Variants in ACSL6 observed in about 807,000 individuals in gnomAD.
The protein encoded by ACSL6 is acyl-CoA synthetase long chain family member 6.
In ACSL6, 47 loss-of-function variants were observed where a neutral mutation model predicts 98.2. The ratio of observed to expected loss-of-function variants is 0.48; its 90% CI spans 0.38 to 0.61. The LOEUF (loss-of-function observed/expected upper bound fraction) is 0.61. Among genes scored for constraint, ACSL6 ranks in the 20% least tolerant of loss-of-function variants. ACSL6 has a pLI of 0.00. For missense variants in ACSL6, 761 were observed against 913.4 expected (o/e 0.83, Z 2.15); for synonymous variants, 362 against 336.9 (o/e 1.07, Z -0.82).
Position 131,959,558 on chromosome 5 carries a change from C to T in ACSL6, c.2009G>A (p.Ser670Asn), listed in dbSNP as rs1561774045. The change falls in exon 20 of 21, where the codon AGT (serine) becomes AAT (asparagine). Residue 670 changes from serine to asparagine, a missense_variant. Ser to Asn is a conservative substitution (Grantham distance 46). Transcript: ENST00000651883. ...TACCTGCTCAAAAGAATGGAGTCCA[C>T]TTTCTTTTCCTAACCTCACCATATC... The part of the protein sequence containing the change: ...LEDMVRLGKE[S>N]GLHSFEQVKA... The T allele has an allele frequency of 6.2e-7, 1 of 1,614,208 alleles. No individual in the cohort carries two copies. The highest frequency in any genetic ancestry group is 8.5e-7 in the Non-Finnish European group (1 of 1,180,034).
chr5:131,968,089 G>A (rs1753115834), intron 15 of ACSL6, 61 bp from the exon 16 acceptor site: 1 of 1,467,100 alleles, frequency 6.8e-7, no homozygotes, highest in South Asian at 1.2e-5. Context: ...CACTGAAGAT[G>A]TTCCAAGCCC....
At chr5:131,975,082 G>C (rs918012348) in intron 10 of ACSL6, 112 bp from the exon 11 acceptor site, 1 of 1,459,194 alleles carries the variant, frequency 6.9e-7, no homozygotes, top group Non-Finnish European at 9.2e-7. Context: ...ACAGGAAGAG[G>C]GGGAGGGGAA....
chr5:132,004,577 G>T (rs1755284644), intron 1 of ACSL6, among the ~76,000 whole-genome samples: 2 of 152,202 alleles, frequency 1.3e-5, no homozygotes, highest in Non-Finnish European at 2.9e-5. Flanking sequence ...ATGAAGCCAA[G>T]GTGCCAGGCA....
intron 17 of ACSL6, among the ~76,000 whole-genome samples, chr5:131,962,938 C>G (rs1752793091): frequency 6.6e-6 from 1 of 152,112 alleles, no homozygotes; most frequent in African/African-American, 2.4e-5. Context: ...CCCACACAGT[C>G]CTCCCACCAC....
Position 132,005,168 on chromosome 5 carries a change from G to GA in ACSL6, c.49+6336dup, listed in dbSNP as rs973726309. ...GCTCTGTCTCAAAAAAAAGAAAAAAGAAAAAAAAATGCGTGAGTTGAAGGT... is the reference window on the plus strand; with the variant it reads ...GCTCTGTCTCAAAAAAAAGAAAAAAGAAAAAAAAAATGCGTGAGTTGAAGGT... On this transcript the variant is annotated intron_variant, in intron 1 of 20. Transcript: ENST00000651883. Among the ~76,000 whole-genome samples, 115 of 151,040 alleles carry GA rather than the reference G, an allele frequency of 7.6e-4. 2 individuals are homozygous for GA. Among genetic ancestry groups the GA allele is most frequent in the South Asian group, 1.0e-3 (5 of 4,764 alleles).
At chr5:131,963,589 C>A (rs1752852498) in intron 17 of ACSL6, among the ~76,000 whole-genome samples, 1 of 152,182 alleles carries the variant, frequency 6.6e-6, no homozygotes, top group Non-Finnish European at 1.5e-5. Flanking sequence ...CCTCCAAACC[C>A]CAAACCTGGA....
chr5:131,989,977 G>T, intron 4 of ACSL6, 123 bp downstream of exon 4: 1 of 1,060,354 alleles, frequency 9.4e-7, no homozygotes, highest in Non-Finnish European at 1.4e-6. Context: ...CAGGAGTTTG[G>T]CAGACAGGCC....
At chr5:131,956,074 A>G (rs1467989786) in intron 20 of ACSL6, among the ~76,000 whole-genome samples, 2 of 152,146 alleles carry the variant, frequency 1.3e-5, no homozygotes, top group East Asian at 3.9e-4. Context: ...GCTTGTCTGC[A>G]TTCCTAACAG....
At chr5:131,964,056 A>G (rs1045033642) in intron 17 of ACSL6, among the ~76,000 whole-genome samples, 1 of 152,234 alleles carries the variant, frequency 6.6e-6, no homozygotes, top group African/African-American at 2.4e-5. Flanking sequence ...TAACGTTTTT[A>G]AAAGCACAAA....
chr5:131,989,542 A>G, intron 4 of ACSL6, 34 bp from the exon 5 acceptor site: 1 of 1,527,074 alleles, frequency 6.5e-7, no homozygotes, highest in Non-Finnish European at 9.1e-7. Context: ...ATGGGAAAAC[A>G]AGGACTCTTC....
At chr5:131,959,732 G>A (rs975124143) in intron 19 of ACSL6, 125 bp from the exon 20 acceptor site, 8 of 827,084 alleles carry the variant, frequency 9.7e-6, no homozygotes, top group Admixed American at 2.1e-5. Context: ...CCCACAGCCC[G>A]CAACTGAGGC....
Position 131,953,345 on chromosome 5 carries a change from G to A in ACSL6, c.*889C>T. ...ATATCTGAATTTGGCTGGGAACAAT[G>A]GCTCATGCCTGTAATCCTAGCACTT... is the stretch of plus-strand genomic sequence containing the variant. On this transcript the variant is annotated 3_prime_UTR_variant, in exon 21 of 21. Transcript: ENST00000651883. 5.4e-6 allele frequency: 1 copy of A among 183,872 alleles called. No homozygotes were observed. The highest frequency in any genetic ancestry group is 1.2e-5 in the Non-Finnish European group (1 of 86,420). The allele number at this position is 183,872 out of a possible 1,614,324, so 11.4% of individuals were successfully genotyped here. A position where few individuals can be genotyped will look rare whatever the true frequency, so the allele number is the denominator to read the frequency against.
rs1752262093 is a variant in ACSL6, at chr5:131,953,766, T to C, written c.*468A>G. On this transcript the variant is annotated 3_prime_UTR_variant, in exon 21 of 21. Transcript: ENST00000651883. ...CATGTTTTCTTTTAGCATGATTCTA[T>C]ACACCTAGCTTTAATTTTTGAAGTC... is the stretch of plus-strand genomic sequence containing the variant. 5.1e-6 allele frequency: 1 copy of C among 194,480 alleles called. No homozygotes were observed. Among genetic ancestry groups the C allele is most frequent in the African/African-American group, 2.3e-5 (1 of 43,180 alleles). The allele number at this position is 194,480 out of a possible 1,614,324, so 12.0% of individuals were successfully genotyped here. A position where few individuals can be genotyped will look rare whatever the true frequency, so the allele number is the denominator to read the frequency against.
At chr5:131,959,335 T>C (rs889875236) in intron 20 of ACSL6, among the ~76,000 whole-genome samples, 3 of 152,226 alleles carry the variant, frequency 2.0e-5, no homozygotes, top group Admixed American at 2.0e-4. Context: ...ATTATAAGGA[T>C]GGGTGCAATC....
Position 131,974,937 on chromosome 5 carries a change from T to A in ACSL6, c.1024A>T (p.Ile342Phe). 6.2e-7 allele frequency: 1 copy of A among 1,614,068 alleles called. No homozygotes were observed. The highest frequency in any genetic ancestry group is 8.5e-7 in the Non-Finnish European group (1 of 1,180,008). ...ATGTGAGCCAGAGGCAGGAAGGAGA[T>A]GAGCACATCGTCCTGTCTCGGAAAG... is the stretch of plus-strand genomic sequence containing the variant. ...VIFPRQDDVL[I>F]SFLPLAHMFE... Residue 342 changes from isoleucine (I) to phenylalanine (F), a missense_variant, in exon 11 of 21, where the codon ATC (isoleucine) becomes TTC (phenylalanine). Physicochemically the swap from Ile to Phe is conservative, Grantham distance 21. Transcript: ENST00000651883.
In ACSL6 at chr5:131,989,395, G is replaced by A. The variant is rs1215554120; in HGVS notation, c.552+12C>T. ...ACGAATCCCTCTAAAACCAGTCAAG[G>A]TAGATGCTCACCTCTGGCCGATTTT... On this transcript the variant is annotated intron_variant, in intron 5 of 20. Transcript: ENST00000651883. 1 of 1,612,784 alleles carries A rather than the reference G, an allele frequency of 6.2e-7. No individual in the cohort carries two copies. The highest frequency in any genetic ancestry group is 1.3e-5 in the African/African-American group (1 of 74,860).
chr5:131,995,784 G>T lies in ACSL6; in HGVS notation c.50-1533C>A, dbSNP rs554577229. 2.0e-5 allele frequency among the ~76,000 whole-genome samples: 3 copies of T among 152,346 alleles called. No individual in the cohort carries two copies. In the East Asian group the frequency reaches 5.8e-4, roughly 29 times the overall value. On this transcript the variant is annotated intron_variant, in intron 1 of 20. Coordinates refer to ENST00000651883, the MANE Select transcript of ACSL6 (RefSeq NM_001009185.3). ...TCCTTCTCCTTCTCTTATGAGCAATGCAAGGTTGAGCCTATCCTTCTTCTC... is the reference window on the plus strand; with the variant it reads ...TCCTTCTCCTTCTCTTATGAGCAATTCAAGGTTGAGCCTATCCTTCTTCTC...
intron 1 of ACSL6, among the ~76,000 whole-genome samples, chr5:132,005,415 T>C (rs1269412634): frequency 1.3e-5 from 2 of 152,218 alleles, no homozygotes; most frequent in African/African-American, 2.4e-5. Flanking sequence ...CTGACAATTG[T>C]CTTCCTCTCA....
At chr5:131,982,154 T>TC (rs1331596269) in intron 9 of ACSL6, 6 of 139,312 alleles carry the variant, frequency 4.3e-5, no homozygotes, top group African/African-American at 1.6e-4. Flanking sequence ...TTTTTTTTTT[T>TC]TTTTTTTGAG....
Sources: gnomAD v4.1 joint callset for allele counts (sites outside exome capture counted in the v4.1 genomes callset) on GRCh38, gnomAD v4.1.1 for gene constraint, MANE v1.5 for transcripts, NCBI Gene and HGNC (gene_info 2026-07-23, HGNC 2026-07-21) for gene names.